CBR4: variants seen among roughly 807,000 people sequenced by gnomAD.
The protein encoded by CBR4 is carbonyl reductase 4.
Under a neutral mutation model 21.0 loss-of-function variants are expected in CBR4, and 22 were observed. The ratio of observed to expected loss-of-function variants is 1.05; its 90% confidence interval spans 0.75 to 1.50. The LOEUF (loss-of-function observed/expected upper bound fraction) is 1.50, where lower values mean the gene tolerates loss of function less well. Ranked by LOEUF, CBR4 falls within the 40% of genes most tolerant of loss-of-function variation. The pLI, the probability that CBR4 is intolerant of heterozygous loss-of-function variation, is 0.00. For missense variants in CBR4, 302 were observed against 286.3 expected (o/e 1.05, Z -0.40); for synonymous variants, 100 against 104.4 (o/e 0.96, Z 0.26).
intron 4 of CBR4, among the ~76,000 whole-genome samples, chr4:168,999,703 T>G (rs1252146143): frequency 6.6e-6 from 1 of 151,646 alleles, no homozygotes; most frequent in African/African-American, 2.4e-5. Flanking sequence ...CAACCACACT[T>G]CCATAACAAT....
intron 4 of CBR4, among the ~76,000 whole-genome samples, chr4:168,999,285 T>C (rs1004061317): frequency 2.6e-5 from 4 of 152,130 alleles, no homozygotes; most frequent in African/African-American, 7.2e-5. Flanking sequence ...AAAACTGACA[T>C]AAAAGGACAC....
intron 2 of CBR4, among the ~76,000 whole-genome samples, chr4:168,900,544 C>G (rs1560885966): frequency 6.6e-6 from 1 of 152,008 alleles, no homozygotes; most frequent in Non-Finnish European, 1.5e-5. Context: ...AAAAAAATAC[C>G]TGACACTTTT....
intron 2 of CBR4, among the ~76,000 whole-genome samples, chr4:168,929,514 A>T (rs185393596): frequency 6.6e-6 from 1 of 152,318 alleles, no homozygotes; most frequent in Non-Finnish European, 1.5e-5. Context: ...TTTTATGAAC[A>T]TGCATAACAT....
intron 2 of CBR4, among the ~76,000 whole-genome samples, chr4:168,966,530 G>GA (rs1032930892): frequency 4.6e-4 from 63 of 136,702 alleles, no homozygotes; most frequent in African/African-American, 7.0e-4. Context: ...CCGTCTCAAA[G>GA]AAAAAAAAAA....
chr4:168,924,324 C>T (rs763925511), intron 2 of CBR4: 2 of 1,613,874 alleles, frequency 1.2e-6, no homozygotes, highest in Admixed American at 3.3e-5. Flanking sequence ...GATGGGTACC[C>T]AGTGCGGCTG....
chr4:168,948,935 A>C (rs955634121), intron 2 of CBR4, among the ~76,000 whole-genome samples: 2 of 152,164 alleles, frequency 1.3e-5, no homozygotes, highest in Non-Finnish European at 2.9e-5. Context: ...GATTGCATTA[A>C]ATCTGTAGAC....
chr4:168,960,921 GTCGAAATTA>G (rs1229199108), intron 2 of CBR4, among the ~76,000 whole-genome samples: 1 of 152,130 alleles, frequency 6.6e-6, no homozygotes, highest in Non-Finnish European at 1.5e-5. Context: ...GCTGTTTCCG[GTCGAAATTA>G]TTAGTCATGA....
intron 2 of CBR4, among the ~76,000 whole-genome samples, chr4:168,973,984 G>A (rs1030220085): frequency 8.6e-5 from 13 of 151,822 alleles, no homozygotes; most frequent in Admixed American, 6.6e-4. Flanking sequence ...AATACCTTGG[G>A]CTTTTTTTCA....
At chr4:168,915,068 C>T (rs1759828947) in intron 2 of CBR4, among the ~76,000 whole-genome samples, 1 of 152,170 alleles carries the variant, frequency 6.6e-6, no homozygotes, top group African/African-American at 2.4e-5. Flanking sequence ...TTCCTTATAT[C>T]AGTGGGTCCT....
chr4:168,940,317 G>A (rs1763227545), intron 2 of CBR4, among the ~76,000 whole-genome samples: 1 of 152,134 alleles, frequency 6.6e-6, no homozygotes, highest in Admixed American at 6.6e-5. Flanking sequence ...TGAAATGTAA[G>A]ACCTAAAACC....
chr4:168,902,477 G>T (rs887277426), intron 2 of CBR4, among the ~76,000 whole-genome samples: 6 of 151,920 alleles, frequency 3.9e-5, no homozygotes, highest in Admixed American at 1.3e-4. Flanking sequence ...AACTTAAATC[G>T]AAAATAATAA....
chr4:168,989,829 G>C lies in CBR4; in HGVS notation c.*321C>G, dbSNP rs1283316062. The C allele has an allele frequency of 9.9e-7, 1 of 1,015,204 alleles. No homozygotes were observed. Among genetic ancestry groups the C allele is most frequent in the Non-Finnish European group, 1.2e-6 (1 of 850,074 alleles). The allele number at this position is 1,015,204 out of a possible 1,614,324, so 62.9% of individuals were successfully genotyped here. Reference sequence around the variant, plus strand: ...TCCTTTAGAAAACACAATTTGTCTGGGGGGATGATTGCACATGTATTTAAA... The same window carrying C: ...TCCTTTAGAAAACACAATTTGTCTGCGGGGATGATTGCACATGTATTTAAA... On this transcript the variant is annotated 3_prime_UTR_variant, in exon 5 of 5. Coordinates refer to ENST00000306193, the MANE Select transcript of CBR4 (RefSeq NM_032783.5).
chr4:168,917,851 C>T (rs947993478), intron 2 of CBR4, among the ~76,000 whole-genome samples: 3 of 151,916 alleles, frequency 2.0e-5, no homozygotes, highest in Admixed American at 1.3e-4. Flanking sequence ...AAGAATTATA[C>T]AGTACAGCTA....
At chr4:168,935,068 G>A (rs897361295) in intron 2 of CBR4, among the ~76,000 whole-genome samples, 1 of 152,202 alleles carries the variant, frequency 6.6e-6, no homozygotes, top group African/African-American at 2.4e-5. Context: ...ATTTCCAGCT[G>A]AGGTACCCAG....
chr4:169,003,928 C>T (rs927610776), intron 3 of CBR4, among the ~76,000 whole-genome samples: 3 of 151,960 alleles, frequency 2.0e-5, no homozygotes, highest in Non-Finnish European at 2.9e-5. Context: ...GGGAACATCA[C>T]GCTCTGGGGA....
chr4:169,006,047 C>T (rs1730886273), intron 3 of CBR4: 1 of 475,046 alleles, frequency 2.1e-6, no homozygotes. Flanking sequence ...GCTTATCTGC[C>T]CTGTGGGTTA....
rs1389047255 is a variant in CBR4, at chr4:168,894,634, C to T, written n.301G>A. 3.1e-6 allele frequency: 5 copies of T among 1,613,760 alleles called. No individual in the cohort carries two copies. Among genetic ancestry groups the T allele is most frequent in the Non-Finnish European group, 4.2e-6 (5 of 1,179,798 alleles). ...CGACTGCTAGGTGCTGACAGTGCAA[C>T]TGTCTTTAATATTCAGGAGCCAGAA... is the stretch of plus-strand genomic sequence containing the variant. On this transcript the variant is annotated non_coding_transcript_exon_variant, in exon 3 of 4. Coordinates refer to the CBR4 transcript ENST00000509108.
chr4:168,935,477 A>AC (rs1763084530), intron 2 of CBR4, among the ~76,000 whole-genome samples: 1 of 151,948 alleles, frequency 6.6e-6, no homozygotes, highest in East Asian at 1.9e-4. Flanking sequence ...AGTGGATCTG[A>AC]CCCCCTATGG....
Position 169,007,651 on chromosome 4 carries a change from G to A in CBR4, c.248C>T (p.Ala83Val). 6.3e-7 allele frequency: 1 copy of A among 1,580,890 alleles called. No homozygotes were observed. Among genetic ancestry groups the A allele is most frequent in the Non-Finnish European group, 8.6e-7 (1 of 1,165,516 alleles). The stretch of plus-strand genomic sequence containing the variant: ...TGTGACCAACCTGTTAATACCAGCT[G>A]CATTTACCAAGAAATTTACTCGACC... ...HLGRVNFLVN[A>V]AGINRDGLLV... Residue 83 changes from alanine to valine, a missense_variant, in exon 2 of 5, where the codon GCA (alanine) becomes GTA (valine). Physicochemically the swap from Ala to Val is moderately conservative, Grantham distance 64 (BLOSUM62 0). Coordinates refer to ENST00000306193, the MANE Select transcript of CBR4 (RefSeq NM_032783.5).
Sources: gnomAD v4.1 joint callset for allele counts (sites outside exome capture counted in the v4.1 genomes callset) on GRCh38, gnomAD v4.1.1 for gene constraint, MANE v1.5 for transcripts, NCBI Gene and HGNC (gene_info 2026-07-23, HGNC 2026-07-21) for gene names.